PPP6C: variants seen among roughly 807,000 people sequenced by gnomAD.
The protein encoded by PPP6C is serine/threonine-protein phosphatase 6 catalytic subunit.
A neutral mutation model predicts 39.8 loss-of-function variants in PPP6C; 11 were observed. The ratio of observed to expected loss-of-function variants is 0.28; its 90% CI spans 0.17 to 0.46. PPP6C has a LOEUF of 0.46. PPP6C is among the 20% of genes least tolerant of loss of function. PPP6C has a pLI of 1.00. For synonymous variants in PPP6C, 129 were observed against 130.3 expected (o/e 0.99, Z 0.07); for missense variants, 211 against 373.9 (o/e 0.56, Z 3.59).
chr9:125,162,775 CAAAAA>C (rs143453437), intron 2 of PPP6C, among the ~76,000 whole-genome samples: 1 of 112,826 alleles, frequency 8.9e-6, no homozygotes. Context: ...GACTCCGTCT[CAAAAA>C]AAAAAAAAAA....
chr9:125,170,212 T>C (rs1016046676), intron 2 of PPP6C, among the ~76,000 whole-genome samples: 4 of 152,038 alleles, frequency 2.6e-5, no homozygotes, highest in Admixed American at 6.6e-5. Flanking sequence ...AAATATGAGG[T>C]ATGCCCCTCC....
intron 1 of PPP6C, among the ~76,000 whole-genome samples, chr9:125,181,987 T>C (rs183478081): frequency 5.3e-5 from 8 of 152,348 alleles, no homozygotes; most frequent in African/African-American, 7.2e-5. Context: ...TTTTTAATGA[T>C]TGCCATTCTA....
chr9:125,153,472 T>G (rs575492044), intron 6 of PPP6C, 61 bp downstream of exon 6: 1 of 1,487,846 alleles, frequency 6.7e-7, no homozygotes, highest in African/African-American at 1.4e-5. Context: ...AGGGCCACCA[T>G]AGTTCTCTAT....
At chr9:125,180,520 T>G (rs1829398530) in intron 1 of PPP6C, among the ~76,000 whole-genome samples, 1 of 152,174 alleles carries the variant, frequency 6.6e-6, no homozygotes, top group Admixed American at 6.5e-5. Flanking sequence ...CCTCCCAGGT[T>G]CAAGCGATTC....
At chr9:125,178,048 A>G (rs1271538437) in intron 1 of PPP6C, among the ~76,000 whole-genome samples, 1 of 152,234 alleles carries the variant, frequency 6.6e-6, no homozygotes, top group East Asian at 1.9e-4. Flanking sequence ...TTATCCATCC[A>G]CCTAGTGAAG....
At chr9:125,156,711 T>C (rs1345346818) in intron 4 of PPP6C, among the ~76,000 whole-genome samples, 2 of 152,192 alleles carry the variant, frequency 1.3e-5, no homozygotes, top group Non-Finnish European at 2.9e-5. Context: ...TCTTGACAGT[T>C]CTATTTCCCT....
intron 1 of PPP6C, among the ~76,000 whole-genome samples, chr9:125,189,270 A>G (rs1829608142): frequency 6.6e-6 from 1 of 152,116 alleles, no homozygotes. Flanking sequence ...GGTGGAGGCG[A>G]CCCCATCCCG....
intron 6 of PPP6C, among the ~76,000 whole-genome samples, chr9:125,153,012 C>T (rs185701864): frequency 6.6e-6 from 1 of 151,980 alleles, no homozygotes; most frequent in Non-Finnish European, 1.5e-5. Context: ...GTGGCTCACA[C>T]CTATAATCCC....
intron 1 of PPP6C, 72 bp from the exon 2 acceptor site, chr9:125,171,252 A>C (rs1829141303): frequency 8.1e-7 from 1 of 1,227,202 alleles, no homozygotes; most frequent in African/African-American, 1.6e-5. Flanking sequence ...CCAAAAAAGA[A>C]AAATACCAGG....
intron 2 of PPP6C, among the ~76,000 whole-genome samples, chr9:125,166,275 C>T (rs1414627537): frequency 6.6e-6 from 1 of 152,178 alleles, no homozygotes; most frequent in African/African-American, 2.4e-5. Flanking sequence ...AAACTGTTAG[C>T]CCCATAGTGG....
At chr9:125,151,718 G>A (rs1835950760) in intron 6 of PPP6C, 1 of 354,542 alleles carries the variant, frequency 2.8e-6, no homozygotes, top group Non-Finnish European at 5.5e-6. Flanking sequence ...CCCACATCAG[G>A]TATATCTGAG....
chr9:125,157,696 GT>G (rs11375288), intron 4 of PPP6C, among the ~76,000 whole-genome samples: 2 of 140,018 alleles, frequency 1.4e-5, no homozygotes, highest in Admixed American at 1.5e-4. Flanking sequence ...TTTTTTTTTG[GT>G]TTTTTTTTTT....
chr9:125,167,721 T>C (rs531681195), intron 2 of PPP6C, among the ~76,000 whole-genome samples: 26 of 149,256 alleles, frequency 1.7e-4, no homozygotes, highest in African/African-American at 6.2e-4. Context: ...AAAAATTTTT[T>C]TTTTTTAGAG....
chr9:125,173,853 T>A (rs988257318), intron 1 of PPP6C, among the ~76,000 whole-genome samples: 41 of 152,092 alleles, frequency 2.7e-4, no homozygotes, highest in African/African-American at 9.9e-4. Flanking sequence ...CCTGACCTCA[T>A]GATCCACCCG....
intron 1 of PPP6C, among the ~76,000 whole-genome samples, chr9:125,174,505 T>G (rs1291872626): frequency 6.6e-6 from 1 of 152,112 alleles, no homozygotes; most frequent in African/African-American, 2.4e-5. Flanking sequence ...CTTCTGGCCT[T>G]GAGTCCCTGG....
At position 125,146,981 on chromosome 9, in the gene PPP6C, T is replaced by C. The variant is rs535580091; in HGVS notation, c.*2692A>G. On this transcript the variant is annotated 3_prime_UTR_variant, in exon 7 of 7. Coordinates refer to ENST00000373547, the MANE Select transcript of PPP6C (RefSeq NM_002721.5). The stretch of plus-strand genomic sequence containing the variant: ...GCAATGAACAATATTTCAAACCTTA[T>C]TTCCCAAAGCAAAACCTAGGGCTTA... The C allele has an allele frequency of 1.3e-5, 2 of 152,310 alleles. No homozygotes were observed. The highest frequency in any genetic ancestry group is 4.8e-5 in the African/African-American group (2 of 41,576). The allele number at this position is 152,310 out of a possible 1,614,324, so 9.4% of individuals were successfully genotyped here. A position where few individuals can be genotyped will look rare whatever the true frequency, so the allele number is the denominator to read the frequency against.
intron 1 of PPP6C, among the ~76,000 whole-genome samples, chr9:125,187,028 C>A (rs1829545654): frequency 6.9e-6 from 1 of 144,646 alleles, no homozygotes; most frequent in African/African-American, 2.6e-5. Context: ...CTCACTGCAA[C>A]CTCCGCCTCC....
At chr9:125,187,738 T>C (rs1829559579) in intron 1 of PPP6C, among the ~76,000 whole-genome samples, 1 of 151,964 alleles carries the variant, frequency 6.6e-6, no homozygotes, top group Admixed American at 6.5e-5. Flanking sequence ...CTGGTTAGTT[T>C]TCCATGAATT....
At chr9:125,174,002 T>C (rs1046324821) in intron 1 of PPP6C, among the ~76,000 whole-genome samples, 1 of 152,152 alleles carries the variant, frequency 6.6e-6, no homozygotes, top group Non-Finnish European at 1.5e-5. Flanking sequence ...AAAAATGTCA[T>C]AGAAAGCATA....
Sources: allele counts gnomAD v4.1 joint callset (sites outside exome capture counted in the v4.1 genomes callset), GRCh38; gene constraint gnomAD v4.1.1; transcripts MANE v1.5; gene names NCBI Gene and HGNC (gene_info 2026-07-23, HGNC 2026-07-21).